The following CSF1R variants were observed in gnomAD, a reference collection of about 807,000 sequenced individuals.
CSF1R encodes the protein macrophage colony-stimulating factor 1 receptor.
In CSF1R, 40 loss-of-function variants were observed where a neutral mutation model predicts 110.0. The ratio of observed to expected loss-of-function variants is 0.36; its 90% CI spans 0.28 to 0.47. CSF1R has a LOEUF of 0.47. Among genes scored for constraint, CSF1R ranks in the 20% least tolerant of loss-of-function variants. The pLI is 0.99. For missense variants in CSF1R, 1,052 were observed against 1,253.0 expected (o/e 0.84, Z 2.42); for synonymous variants, 523 against 503.4 (o/e 1.04, Z -0.52).
chr5:150,060,144 G>A (rs1285280308), intron 13 of CSF1R, among the ~76,000 whole-genome samples: 1 of 151,982 alleles, frequency 6.6e-6, no homozygotes, highest in Non-Finnish European at 1.5e-5. Flanking sequence ...TGGCTAACAT[G>A]GTGAAACCCC....
At chr5:150,110,312 C>T (rs1759679160) in intron 1 of CSF1R, among the ~76,000 whole-genome samples, 1 of 152,228 alleles carries the variant, frequency 6.6e-6, no homozygotes, top group African/African-American at 2.4e-5. Context: ...AACCTCTTCC[C>T]CTCCCCTGTC....
rs1290589504 is a variant in CSF1R at position 150,053,725 on chromosome 5, C to A, written c.*344G>T. The A allele has an allele frequency of 7.4e-6, 3 of 407,460 alleles. No individual in the cohort carries two copies. In the Admixed American group the frequency reaches 1.3e-4, roughly 17 times the overall value. The allele number at this position is 407,460 out of a possible 1,614,324, so 25.2% of individuals were successfully genotyped here. On this transcript the variant is annotated 3_prime_UTR_variant, in exon 21 of 21. Coordinates refer to ENST00000675795, the MANE Select transcript of CSF1R (RefSeq NM_001288705.3). ...TCAGTATCAGTGTAGCTCCTGGGGA[C>A]TTCATAGGCATAAAGTCAGTCCATT...
Position 150,061,828 on chromosome 5 carries a change from A to C in CSF1R, c.1648T>G (p.Trp550Gly). Residue 550 changes from tryptophan (W) to glycine (G), a missense_variant, in exon 11 of 21, where the codon TGG becomes GGG. This residue lies in a region of CSF1R where 693 missense variants were observed against 735.4 expected (regional missense o/e 0.94). Transcript: ENST00000675795. ...YKQKPKYQVRWKIIESYEGNS... is the reference protein window; with the variant it reads ...YKQKPKYQVRGKIIESYEGNS... Reference sequence around the variant, plus strand: ...CCCTCATAGCTCTCGATGATCTTCCAGCGGACCTGGTACTTGGGCTTCTGC... The same window carrying C: ...CCCTCATAGCTCTCGATGATCTTCCCGCGGACCTGGTACTTGGGCTTCTGC... 2 of 1,614,192 alleles carry C rather than the reference A, an allele frequency of 1.2e-6. No homozygotes were observed. The highest frequency in any genetic ancestry group is 1.7e-6 in the Non-Finnish European group (2 of 1,180,018).
chr5:150,096,193 C>A (rs897546182), intron 1 of CSF1R, among the ~76,000 whole-genome samples: 2 of 152,160 alleles, frequency 1.3e-5, no homozygotes, highest in African/African-American at 4.8e-5. Context: ...AGTTCGAGAC[C>A]AGCCTGGCCA....
intron 1 of CSF1R, among the ~76,000 whole-genome samples, 179 bp from the exon 2 acceptor site, chr5:150,081,203 G>T (rs888383974): frequency 6.6e-6 from 1 of 152,122 alleles, no homozygotes; most frequent in Non-Finnish European, 1.5e-5. Context: ...CCTGCTCAGG[G>T]ACAGACTGAT....
chr5:150,070,344 C>T, intron 7 of CSF1R, 42 bp from the exon 8 acceptor site: 1 of 1,604,264 alleles, frequency 6.2e-7, no homozygotes, highest in Non-Finnish European at 8.5e-7. Flanking sequence ...ACTTTCCCCG[C>T]CACCTCCCAA....
intron 5 of CSF1R, among the ~76,000 whole-genome samples, chr5:150,075,824 C>A (rs888528764): frequency 2.0e-5 from 3 of 152,206 alleles, no homozygotes; most frequent in Admixed American, 1.3e-4. Flanking sequence ...TAACTGAATT[C>A]TTGTGCTTTT....
intron 2 of CSF1R, among the ~76,000 whole-genome samples, 160 bp downstream of exon 2, chr5:150,080,607 T>TG (rs1484730890): frequency 6.6e-6 from 1 of 152,162 alleles, no homozygotes. Flanking sequence ...CTTGCAGGGT[T>TG]GTTGTGAGGA....
chr5:150,086,054 A>G (rs1052277934), intron 1 of CSF1R, among the ~76,000 whole-genome samples: 2 of 152,184 alleles, frequency 1.3e-5, no homozygotes, highest in African/African-American at 2.4e-5. Context: ...GGTCTAGTCT[A>G]TCACTGTCCC....
intron 1 of CSF1R, among the ~76,000 whole-genome samples, chr5:150,082,980 C>T (rs1163899086): frequency 6.6e-6 from 1 of 152,170 alleles, no homozygotes; most frequent in Non-Finnish European, 1.5e-5. Context: ...CCCAGCCTGT[C>T]TCTCTAGACC....
At chr5:150,057,423 T>C in intron 15 of CSF1R, 39 bp from the exon 16 acceptor site, 1 of 1,611,182 alleles carries the variant, frequency 6.2e-7, no homozygotes, top group Non-Finnish European at 8.5e-7. Flanking sequence ...CCTGCCACAC[T>C]CCCCACCCCT....
chr5:150,070,298 G>A lies in CSF1R; in HGVS notation c.1203C>T (p.Pro401=), dbSNP rs779609200. ...ATGTCCATATGACGCTTACCTCTGG[G>A]GGGTCTGAGGAAGAAAGGAGGAGGC... ...ALTFELTLRY[P]PEVSVIWTFI... is the part of the protein sequence containing the mutation. Residue 401 remains proline (P), a synonymous_variant, in exon 8 of 21, where the codon CCC becomes CCT. Transcript: ENST00000675795. 1.2e-6 allele frequency: 2 copies of A among 1,613,696 alleles called. No individual in the cohort carries two copies. The highest frequency in any genetic ancestry group is 2.2e-5 in the South Asian group (2 of 91,036).
chr5:150,101,838 G>A (rs574980167), intron 1 of CSF1R, among the ~76,000 whole-genome samples: 1 of 151,960 alleles, frequency 6.6e-6, no homozygotes, highest in Non-Finnish European at 1.5e-5. Context: ...CCTGGGCACA[G>A]ACGAGCTCAT....
chr5:150,087,502 G>T (rs1456727878), upstream of CSF1R, among the ~76,000 whole-genome samples: 1 of 152,168 alleles, frequency 6.6e-6, no homozygotes, highest in African/African-American at 2.4e-5. Context: ...GCTACCAAAT[G>T]GTGGAGATAG....
chr5:150,091,251 GA>G (rs1488417946), upstream of CSF1R, among the ~76,000 whole-genome samples: 1 of 152,158 alleles, frequency 6.6e-6, no homozygotes, highest in Non-Finnish European at 1.5e-5. Context: ...GTTAAACATA[GA>G]ATTGTCATAT....
At position 150,070,082 on chromosome 5, in the gene CSF1R, G is replaced by A; in HGVS notation, c.1320-19C>T. ...ATCACACCTGGCAAAAGCAGAATGT[G>A]GCTCAGAGCTTCAGGGTTCCCAGCG... On this transcript the variant is annotated intron_variant, in intron 8 of 20. Coordinates refer to ENST00000675795, the MANE Select transcript of CSF1R (RefSeq NM_001288705.3). 6.2e-7 allele frequency: 1 copy of A among 1,611,692 alleles called. No individual in the cohort carries two copies. Among genetic ancestry groups the A allele is most frequent in the South Asian group, 1.1e-5 (1 of 90,934 alleles).
At chr5:150,085,826 C>T (rs942553926) in intron 1 of CSF1R, among the ~76,000 whole-genome samples, 12 of 152,294 alleles carry the variant, frequency 7.9e-5, no homozygotes, top group Admixed American at 7.8e-4. Context: ...ATCATCGAAT[C>T]ACAGGCTGGC....
intron 1 of CSF1R, among the ~76,000 whole-genome samples, chr5:150,104,501 C>A (rs1235386873): frequency 6.6e-6 from 1 of 152,264 alleles, no homozygotes; most frequent in Non-Finnish European, 1.5e-5. Context: ...CGCATCCCAG[C>A]ATTTTCCTTG....
At chr5:150,066,439 C>T (rs1383056941) in intron 10 of CSF1R, among the ~76,000 whole-genome samples, 2 of 152,198 alleles carry the variant, frequency 1.3e-5, no homozygotes, top group African/African-American at 4.8e-5. Context: ...AACTAGACCA[C>T]CAGTGGGCTC....
Sources: gnomAD v4.1 joint callset for allele counts (sites outside exome capture counted in the v4.1 genomes callset) on GRCh38, gnomAD v4.1.1 for gene constraint, gnomAD v4.1.1 regional missense constraint, MANE v1.5 for transcripts, NCBI Gene and HGNC (gene_info 2026-07-23, HGNC 2026-07-21) for gene names.